PITX3: variants seen among roughly 807,000 people sequenced by gnomAD.
The protein encoded by PITX3 is paired like homeodomain 3, also known as pituitary homeobox 3.
In PITX3, 4 loss-of-function variants were observed where a neutral mutation model predicts 14.2. The observed-to-expected ratio is 0.28, with a 90% confidence interval of 0.14 to 0.65. The LOEUF is 0.65. PITX3 is among the 30% of genes least tolerant of loss of function. The probability of loss-of-function intolerance (pLI) is 0.82; values close to 1 mark genes in which losing one functional copy is unlikely to be tolerated. For missense variants in PITX3, 358 were observed against 426.8 expected (o/e 0.84, Z 1.42); for synonymous variants, 194 against 204.5 (o/e 0.95, Z 0.44).
chr10:102,233,397 G>C (rs2070306859), intron 1 of PITX3, among the ~76,000 whole-genome samples: 1 of 143,424 alleles, frequency 7.0e-6, no homozygotes, highest in South Asian at 2.1e-4. Context: ...TCCACCTCCA[G>C]GGTTCAAGCT....
chr10:102,235,560 A>G (rs2070371711), intron 1 of PITX3, among the ~76,000 whole-genome samples: 1 of 152,194 alleles, frequency 6.6e-6, no homozygotes, highest in Non-Finnish European at 1.5e-5. Context: ...CAGTGTTGTT[A>G]TAAGGTTTAG....
At position 102,230,367 on chromosome 10, in the gene PITX3, A is replaced by C; in HGVS notation, c.*147T>G. The C allele has an allele frequency of 8.2e-7, 1 of 1,221,592 alleles. No individual in the cohort carries two copies. Among genetic ancestry groups the C allele is most frequent in the Non-Finnish European group, 1.1e-6 (1 of 890,346 alleles). 75.7% of individuals were successfully genotyped at this position (1,221,592 alleles called of 1,614,324 possible). On this transcript the variant is annotated 3_prime_UTR_variant, in exon 4 of 4. Coordinates refer to ENST00000370002, the MANE Select transcript of PITX3 (RefSeq NM_005029.4). The stretch of plus-strand genomic sequence containing the variant: ...TCCACCCCTCAGGGCTGGGAGGGGA[A>C]GGCCCTCTCCTGAGCCGGTGCCCCC...
At chr10:102,231,558 G>A in intron 3 of PITX3, 30 bp downstream of exon 3, 1 of 1,447,176 alleles carries the variant, frequency 6.9e-7, no homozygotes, top group Non-Finnish European at 9.5e-7. Context: ...GGGCCCGCGC[G>A]GGTGCGAGTC....
At position 102,230,691 on chromosome 10, in the gene PITX3, G is replaced by A; in HGVS notation, c.732C>T (p.Ala244=). 3 of 1,568,296 alleles carry A rather than the reference G, an allele frequency of 1.9e-6. No homozygotes were observed. Among genetic ancestry groups the A allele is most frequent in the African/African-American group, 2.7e-5 (2 of 73,898 alleles). The part of the protein sequence containing the change: ...AVSCPYASAA[A]AAAAAASSPY... ...GGGAAGAGGCGGCAGCCGCGGCGGC[G>A]GCGGCGGCCGAGGCATAAGGGCAGG... Residue 244 remains alanine, a synonymous_variant, in exon 4 of 4, where the codon GCC becomes GCT. Coordinates refer to ENST00000370002, the MANE Select transcript of PITX3 (RefSeq NM_005029.4).
rs1044216647 is a variant in PITX3 at position 102,230,436 on chromosome 10, C to G, written c.*78G>C. On this transcript the variant is annotated 3_prime_UTR_variant, in exon 4 of 4. Coordinates refer to ENST00000370002, the MANE Select transcript of PITX3 (RefSeq NM_005029.4). Reference sequence around the variant, plus strand: ...TTTCAGACCCTGGGGCGGGAGCAAGCCAGTCAAAATGACCCCAGTCCGCGG... The same window carrying G: ...TTTCAGACCCTGGGGCGGGAGCAAGGCAGTCAAAATGACCCCAGTCCGCGG... 10 of 1,531,018 alleles carry G rather than the reference C, an allele frequency of 6.5e-6. No individual in the cohort carries two copies. The highest frequency in any genetic ancestry group is 8.8e-6 in the Non-Finnish European group (10 of 1,134,288). 94.8% of individuals were successfully genotyped at this position (1,531,018 alleles called of 1,614,324 possible).
intron 1 of PITX3, among the ~76,000 whole-genome samples, chr10:102,235,092 G>A (rs568913552): frequency 9.9e-5 from 15 of 151,956 alleles, no homozygotes; most frequent in African/African-American, 3.4e-4. Context: ...AGACAGACAC[G>A]TACCGTCACA....
intron 1 of PITX3, among the ~76,000 whole-genome samples, chr10:102,236,504 G>T (rs1057331062): frequency 6.6e-6 from 1 of 152,176 alleles, no homozygotes; most frequent in African/African-American, 2.4e-5. Context: ...AGTACAGAGG[G>T]CCTACAGGTA....
chr10:102,231,137 G>A, intron 3 of PITX3, 36 bp from the exon 4 acceptor site: 1 of 1,483,254 alleles, frequency 6.7e-7, no homozygotes, highest in South Asian at 1.4e-5. Flanking sequence ...AGGGCCCGGG[G>A]CCGGGTCCCA....
chr10:102,236,227 G>A (rs578242187), intron 1 of PITX3, among the ~76,000 whole-genome samples: 1 of 152,326 alleles, frequency 6.6e-6, no homozygotes, highest in African/African-American at 2.4e-5. Context: ...AGGAAGCTAG[G>A]GAGTTGGGAC....
At chr10:102,238,648 G>A (rs1213831887) in intron 1 of PITX3, among the ~76,000 whole-genome samples, 1 of 152,204 alleles carries the variant, frequency 6.6e-6, no homozygotes, top group Non-Finnish European at 1.5e-5. Flanking sequence ...TTTATATGAT[G>A]CTCCTCCATT....
Position 102,231,010 on chromosome 10 carries a change from C to T in PITX3, c.413G>A (p.Gly138Glu). 2 of 1,597,456 alleles carry T rather than the reference C, an allele frequency of 1.3e-6. No individual in the cohort carries two copies. Among genetic ancestry groups the T allele is most frequent in the South Asian group, 2.2e-5 (2 of 89,498 alleles). Residue 138 changes from glycine to glutamate, a missense_variant, in exon 4 of 4, where the codon GGG becomes GAG. Around this residue, in one of 3 missense-constraint regions of PITX3, gnomAD observed 236 missense variants for 250.2 expected, o/e 0.94. Coordinates refer to ENST00000370002, the MANE Select transcript of PITX3 (RefSeq NM_005029.4). ...CTCCTCGTAGGGCGGCACCAGCCCC[C>T]CGAGCGGCGCCGCGAAGCTGCCTTT... ...LCKGSFAAPL[G>E]GLVPPYEEVY...
intron 1 of PITX3, 113 bp from the exon 2 acceptor site, chr10:102,232,205 TAAAG>T: frequency 1.5e-6 from 1 of 682,870 alleles, no homozygotes; most frequent in Non-Finnish European, 2.7e-6. Context: ...ACCCCAGCCG[TAAAG>T]CTGGGGCTGC....
chr10:102,231,186 C>G lies in PITX3; in HGVS notation c.322-85G>C, dbSNP rs2070223749. On this transcript the variant is annotated intron_variant, in intron 3 of 3. Transcript: ENST00000370002. ...GGGCCACCCCGACGGGGCTTCCAGC[C>G]GGGGCCCTGCGGTCAATAAACGAGA... 1.1e-5 allele frequency: 14 copies of G among 1,294,088 alleles called. No individual in the cohort carries two copies. The East Asian group carries it at 3.7e-4, about 34-fold the overall frequency. The allele number at this position is 1,294,088 out of a possible 1,614,324, so 80.2% of individuals were successfully genotyped here. A position where few individuals can be genotyped will look rare whatever the true frequency, so the allele number is the denominator to read the frequency against.
chr10:102,233,304 C>CTTTTTTTTTTTTTTTTTTTTTTTT (rs35379060), intron 1 of PITX3, among the ~76,000 whole-genome samples: 2 of 107,910 alleles, frequency 1.9e-5, no homozygotes, highest in Non-Finnish European at 3.5e-5. Context: ...TTTTTTCCTT[C>CTTTTTTTTTTTTTTTTTTTTTTTT]TTTTTTTTTT....
At chr10:102,240,442 C>A (rs1041965527) in intron 1 of PITX3, among the ~76,000 whole-genome samples, 4 of 152,254 alleles carry the variant, frequency 2.6e-5, no homozygotes, top group Middle Eastern at 3.2e-3. Flanking sequence ...AGCTTCGCAG[C>A]CCGAAGGAGC....
Position 102,230,486 on chromosome 10 carries a change from C to G in PITX3, c.*28G>C. On this transcript the variant is annotated 3_prime_UTR_variant, in exon 4 of 4. Transcript: ENST00000370002. ...GAGGCTGTGAATCGTTGCCCCCGCC[C>G]TCGGGGATGATCTACGGGCGGGGCC... is the stretch of plus-strand genomic sequence containing the variant. The G allele has an allele frequency of 1.3e-6, 2 of 1,593,232 alleles. No homozygotes were observed. Among genetic ancestry groups the G allele is most frequent in the Non-Finnish European group, 1.7e-6 (2 of 1,170,320 alleles).
chr10:102,230,619 C>T lies in PITX3; in HGVS notation c.804G>A (p.Arg268=), dbSNP rs779300861. Residue 268 remains arginine, a synonymous_variant, in exon 4 of 4, where the codon CGG becomes CGA. Transcript: ENST00000370002. ...AGGAGGCGTGCTGTTTGGCTTTGAGCCGCAGGCTGGCCAGGCTCGAGTTAC... is the reference window on the plus strand; with the variant it reads ...AGGAGGCGTGCTGTTTGGCTTTGAGTCGCAGGCTGGCCAGGCTCGAGTTAC... The part of the protein sequence containing the change: ...DPCNSSLASL[R]LKAKQHASFS... 1.7e-5 allele frequency: 27 copies of T among 1,609,504 alleles called. 2 individuals carry two copies. The South Asian group carries it at 2.9e-4, about 17-fold the overall frequency.
Position 102,230,425 on chromosome 10 carries a change from G to T in PITX3, c.*89C>A, listed in dbSNP as rs2070200336. On this transcript the variant is annotated 3_prime_UTR_variant, in exon 4 of 4. Coordinates refer to ENST00000370002, the MANE Select transcript of PITX3 (RefSeq NM_005029.4). Reference sequence around the variant, plus strand: ...CCAAACACCCCTTTCAGACCCTGGGGCGGGAGCAAGCCAGTCAAAATGACC... The same window carrying T: ...CCAAACACCCCTTTCAGACCCTGGGTCGGGAGCAAGCCAGTCAAAATGACC... 1 of 1,515,048 alleles carries T rather than the reference G, an allele frequency of 6.6e-7. No individual in the cohort carries two copies. The highest frequency in any genetic ancestry group is 1.4e-5 in the African/African-American group (1 of 72,626). 93.9% of individuals were successfully genotyped at this position (1,515,048 alleles called of 1,614,324 possible).
chr10:102,230,715 G>C lies in PITX3; in HGVS notation c.708C>G (p.Ser236=). 1 of 1,547,362 alleles carries C rather than the reference G, an allele frequency of 6.5e-7. No homozygotes were observed. Among genetic ancestry groups the C allele is most frequent in the Middle Eastern group, 1.8e-4 (1 of 5,542 alleles). ...APAAVSSGAV[S]CPYASAAAAA... ...CGGCGGCGGCCGAGGCATAAGGGCA[G>C]GACACGGCCCCGGAGGACACGGCGG... The change falls in exon 4 of 4, where the codon TCC becomes TCG. Residue 236 remains serine, a synonymous_variant. Transcript: ENST00000370002.
Sources: allele counts gnomAD v4.1 joint callset (sites outside exome capture counted in the v4.1 genomes callset), GRCh38; gene constraint gnomAD v4.1.1; regional missense constraint gnomAD v4.1.1; transcripts MANE v1.5; gene names NCBI Gene and HGNC (gene_info 2026-07-23, HGNC 2026-07-21).